PDE4D: variants seen among roughly 807,000 people sequenced by gnomAD.
PDE4D encodes the protein 3',5'-cyclic-AMP phosphodiesterase 4D.
PDE4D carries 24 observed loss-of-function variants against 87.4 expected under a neutral mutation model. The observed-to-expected ratio is 0.27, with a 90% CI of 0.20 to 0.39. The LOEUF (loss-of-function observed/expected upper bound fraction) is 0.39, where lower values mean the gene tolerates loss of function less well. Among genes scored for constraint, PDE4D ranks in the 10% least tolerant of loss-of-function variants. The pLI is 1.00. For synonymous variants in PDE4D, 384 were observed against 383.2 expected (o/e 1.00, Z -0.02); for missense variants, 714 against 1,041.0 (o/e 0.69, Z 4.32).
At chr5:59,485,137 C>T (rs1034203150) in intron 1 of PDE4D, among the ~76,000 whole-genome samples, 1 of 152,062 alleles carries the variant, frequency 6.6e-6, no homozygotes, top group African/African-American at 2.4e-5. Flanking sequence ...TTTTTATAAC[C>T]TACCTAGCCA....
chr5:59,125,814 C>T (rs1775306448), intron 5 of PDE4D, among the ~76,000 whole-genome samples: 1 of 151,968 alleles, frequency 6.6e-6, no homozygotes, highest in African/African-American at 2.4e-5. Context: ...AGGCACATAG[C>T]AGAAATAGTG....
At chr5:59,656,364 A>G (rs952663603) in intron 1 of PDE4D, among the ~76,000 whole-genome samples, 22 of 152,314 alleles carry the variant, frequency 1.4e-4, no homozygotes, top group Non-Finnish European at 1.5e-4. Flanking sequence ...TTTTCTAGGG[A>G]GGGGAAGTTA....
intron 1 of PDE4D, among the ~76,000 whole-genome samples, chr5:59,397,175 A>G (rs1789585412): frequency 8.5e-6 from 1 of 117,020 alleles, no homozygotes; most frequent in Non-Finnish European, 1.8e-5. Context: ...GATCAACGAG[A>G]CAGAAAGTCA....
chr5:60,475,042 G>A (rs529433752), intron 1 of PDE4D, among the ~76,000 whole-genome samples: 6 of 152,046 alleles, frequency 3.9e-5, no homozygotes, highest in Admixed American at 6.6e-5. Flanking sequence ...TTATGTAAAA[G>A]AGTCTTTTTT....
At chr5:59,052,577 T>C (rs1021954322) in intron 5 of PDE4D, among the ~76,000 whole-genome samples, 5 of 152,116 alleles carry the variant, frequency 3.3e-5, no homozygotes. Flanking sequence ...GTTGTGGAGG[T>C]ATCCACTTTA....
chr5:60,473,703 C>G (rs1748037146), intron 1 of PDE4D, among the ~76,000 whole-genome samples: 1 of 151,982 alleles, frequency 6.6e-6, no homozygotes, highest in South Asian at 2.1e-4. Context: ...GTCAATGGCT[C>G]CCCATGCCAA....
chr5:59,794,397 C>T (rs775668581), intron 1 of PDE4D, among the ~76,000 whole-genome samples: 1 of 152,110 alleles, frequency 6.6e-6, no homozygotes, highest in Non-Finnish European at 1.5e-5. Flanking sequence ...ACAGCCATGT[C>T]GCTGAGATGC....
At chr5:60,487,328 C>G (rs144521666) in intron 1 of PDE4D, among the ~76,000 whole-genome samples, 3 of 152,262 alleles carry the variant, frequency 2.0e-5, no homozygotes, top group African/African-American at 7.2e-5. Context: ...TTACAACAAG[C>G]GCATGGTTTT....
intron 1 of PDE4D, among the ~76,000 whole-genome samples, chr5:59,307,678 T>G (rs545045441): frequency 1.1e-4 from 16 of 151,054 alleles, no homozygotes; most frequent in African/African-American, 2.4e-4. Flanking sequence ...CTCACATCAG[T>G]TAGAATGGCA....
At chr5:60,274,259 T>G (rs781494883) in intron 1 of PDE4D, among the ~76,000 whole-genome samples, 3 of 152,234 alleles carry the variant, frequency 2.0e-5, no homozygotes, top group Non-Finnish European at 4.4e-5. Flanking sequence ...CAACTGGGAT[T>G]CTTAGGCAAC....
chr5:59,802,586 A>AG (rs1473214280), intron 1 of PDE4D, among the ~76,000 whole-genome samples: 1 of 151,766 alleles, frequency 6.6e-6, no homozygotes, highest in Non-Finnish European at 1.5e-5. Context: ...TTTAGTAGAG[A>AG]GGGGGTTTCA....
intron 1 of PDE4D, among the ~76,000 whole-genome samples, chr5:59,308,420 G>A (rs1218007327): frequency 2.6e-5 from 4 of 152,080 alleles, no homozygotes; most frequent in Non-Finnish European, 5.9e-5. Context: ...TTGTAGTGGT[G>A]GCTTGGTAAT....
chr5:58,995,100 G>A (rs2153346717), intron 6 of PDE4D, among the ~76,000 whole-genome samples: 1 of 152,172 alleles, frequency 6.6e-6, no homozygotes, highest in Middle Eastern at 3.4e-3. Flanking sequence ...AATTCTGGTT[G>A]TTAAATTACT....
At chr5:58,986,727 G>GGAAAAATTGTCTTCCATAAAACCTGGTC (rs1746516201) in intron 11 of PDE4D, among the ~76,000 whole-genome samples, 3 of 151,968 alleles carry the variant, frequency 2.0e-5, no homozygotes, top group Admixed American at 2.0e-4. Flanking sequence ...AAAACCTGGT[G>GGAAAAATTGTCTTCCATAAAACCTGGTC]CCTGGTGCCA....
chr5:59,206,460 C>G (rs73104881), intron 2 of PDE4D, among the ~76,000 whole-genome samples: 17,551 of 152,014 alleles, frequency 0.12, 1,173 homozygotes, highest in African/African-American at 0.16. Context: ...TTATATGGCT[C>G]AGAAAACAGT....
intron 5 of PDE4D, among the ~76,000 whole-genome samples, chr5:59,057,220 G>T (rs1288204338): frequency 1.3e-5 from 2 of 152,148 alleles, no homozygotes. Flanking sequence ...TGGACCAAAT[G>T]CTGGGTTATG....
intron 3 of PDE4D, among the ~76,000 whole-genome samples, chr5:59,983,017 T>G (rs1561941979): frequency 6.6e-6 from 1 of 152,198 alleles, no homozygotes; most frequent in Non-Finnish European, 1.5e-5. Flanking sequence ...TTATTCCTAC[T>G]TTTGCTTTTT....
At chr5:59,797,030 A>G (rs1766564705) in intron 1 of PDE4D, 1 of 152,064 alleles carries the variant, frequency 6.6e-6, no homozygotes. Context: ...GATTTCGAGG[A>G]TAGAAATTCC....
chr5:59,315,625 T>C (rs986265849), intron 1 of PDE4D, among the ~76,000 whole-genome samples: 1 of 152,082 alleles, frequency 6.6e-6, no homozygotes, highest in African/African-American at 2.4e-5. Context: ...AGGGGGAAAT[T>C]TCCTAACAGG....
Sources: allele counts gnomAD v4.1 joint callset (sites outside exome capture counted in the v4.1 genomes callset), GRCh38; gene constraint gnomAD v4.1.1; transcripts MANE v1.5; gene names NCBI Gene and HGNC (gene_info 2026-07-23, HGNC 2026-07-21).